The following IKZF2 variants were observed in gnomAD, a reference collection of about 807,000 sequenced individuals.
The protein encoded by IKZF2 is IKAROS family zinc finger 2, also known as zinc finger protein Helios.
In IKZF2, 15 loss-of-function variants were observed where a neutral mutation model predicts 49.2. The observed-to-expected ratio is 0.30, with a 90% CI of 0.20 to 0.47. The LOEUF is 0.47. Among genes scored for constraint, IKZF2 ranks in the 20% least tolerant of loss-of-function variants. IKZF2 has a pLI of 1.00. For missense variants in IKZF2, 567 were observed against 664.6 expected, an observed-to-expected ratio of 0.85 and a Z score of 1.61; for synonymous variants, 227 against 221.4, an observed-to-expected ratio of 1.03 and a Z score of -0.23.
Position 213,113,296 on chromosome 2 carries a change from A to G in IKZF2, c.139+34412T>C, listed in dbSNP as rs1024784150. On this transcript the variant is annotated intron_variant, in intron 4 of 8. Transcript: ENST00000434687. ...GGAGATCTATAATGGTACAACTCCA[A>G]CTCATTCTGAAATGGTATGCAGAGA... Among the ~76,000 whole-genome samples, 12 of 152,136 alleles carry G rather than the reference A, an allele frequency of 7.9e-5. No individual in the cohort carries two copies. The South Asian group carries it at 1.9e-3, about 24-fold the overall frequency.
chr2:213,070,213 T>C (rs73990517), intron 4 of IKZF2, among the ~76,000 whole-genome samples: 3,280 of 152,188 alleles, frequency 0.022, 101 homozygotes, highest in African/African-American at 0.074. Flanking sequence ...CCTGATAGTT[T>C]TTCAAATAAT....
intron 4 of IKZF2, among the ~76,000 whole-genome samples, chr2:213,082,338 G>T (rs1334072201): frequency 1.3e-5 from 2 of 152,110 alleles, no homozygotes; most frequent in Non-Finnish European, 2.9e-5. Flanking sequence ...CAGCTATCTA[G>T]AAATATGAGC....
chr2:213,031,014 C>G (rs34053836), intron 6 of IKZF2, among the ~76,000 whole-genome samples: 16,692 of 151,904 alleles, frequency 0.11, 1,084 homozygotes, highest in South Asian at 0.28. Flanking sequence ...TTAGTAGAGA[C>G]GGGGTTTCAC....
intron 4 of IKZF2, among the ~76,000 whole-genome samples, chr2:213,132,995 A>G (rs778292062): frequency 2.6e-5 from 4 of 152,236 alleles, no homozygotes; most frequent in Non-Finnish European, 5.9e-5. Flanking sequence ...AAAAGCAGAA[A>G]TATTCAGTAA....
intron 6 of IKZF2, among the ~76,000 whole-genome samples, chr2:213,023,128 G>A (rs979615498): frequency 2.6e-5 from 4 of 152,094 alleles, no homozygotes; most frequent in African/African-American, 7.2e-5. Flanking sequence ...ATCCAGGCCC[G>A]TGTCTCTATT....
At chr2:213,013,516 T>C (rs528219714) in intron 8 of IKZF2, among the ~76,000 whole-genome samples, 3 of 152,076 alleles carry the variant, frequency 2.0e-5, no homozygotes, top group African/African-American at 7.2e-5. Context: ...TTTAAAGAAA[T>C]TAATATTTTC....
chr2:213,108,514 T>C (rs187893403), intron 4 of IKZF2, among the ~76,000 whole-genome samples: 15 of 152,228 alleles, frequency 9.9e-5, no homozygotes, highest in Admixed American at 3.3e-4. Flanking sequence ...TGAGATCTGA[T>C]CCCACTGCAG....
intron 6 of IKZF2, among the ~76,000 whole-genome samples, chr2:213,026,219 T>C (rs372281424): frequency 6.6e-6 from 1 of 152,178 alleles, no homozygotes; most frequent in African/African-American, 2.4e-5. Context: ...ACATGATTTC[T>C]ACCTCTTGAA....
chr2:213,026,240 T>C (rs989621397), intron 6 of IKZF2, among the ~76,000 whole-genome samples: 2 of 152,104 alleles, frequency 1.3e-5, no homozygotes, highest in African/African-American at 2.4e-5. Flanking sequence ...ATCCTCCACA[T>C]CCCTCCACTT....
At chr2:213,149,721 C>T (rs1049770650) in intron 2 of IKZF2, among the ~76,000 whole-genome samples, 6 of 151,830 alleles carry the variant, frequency 4.0e-5, no homozygotes, top group Non-Finnish European at 7.4e-5. Context: ...CACTTCTTGT[C>T]TCCAAAACCA....
At chr2:213,041,232 A>G (rs1699608179) in intron 6 of IKZF2, among the ~76,000 whole-genome samples, 1 of 152,116 alleles carries the variant, frequency 6.6e-6, no homozygotes, top group South Asian at 2.1e-4. Context: ...AGTATAGACT[A>G]ATACCTTTTA....
chr2:213,114,237 G>A (rs942408807), intron 4 of IKZF2, among the ~76,000 whole-genome samples: 1 of 151,952 alleles, frequency 6.6e-6, no homozygotes, highest in East Asian at 1.9e-4. Flanking sequence ...ATGTGTGTGT[G>A]TTATAGGGGC....
rs139914072 is a variant in IKZF2, at chr2:213,003,973, G to A, written c.*3387C>T. On this transcript the variant is annotated 3_prime_UTR_variant, in exon 9 of 9. Transcript: ENST00000434687. The stretch of plus-strand genomic sequence containing the variant: ...TAGATAATAAGGACCCAAAGTTTTA[G>A]TTTAAGAGTTGCCACTGGTCCTAAA... 1 of 151,842 alleles carries A rather than the reference G, an allele frequency of 6.6e-6. No homozygotes were observed. Among genetic ancestry groups the A allele is most frequent in the African/African-American group, 2.4e-5 (1 of 41,504 alleles). 9.4% of individuals were successfully genotyped at this position (151,842 alleles called of 1,614,324 possible).
At chr2:213,051,004 C>T (rs1418148071) in intron 5 of IKZF2, among the ~76,000 whole-genome samples, 3 of 151,894 alleles carry the variant, frequency 2.0e-5, no homozygotes, top group Non-Finnish European at 2.9e-5. Context: ...CATTTCTTTA[C>T]CTGCAGTTAG....
chr2:213,131,152 A>G (rs962360), intron 4 of IKZF2, among the ~76,000 whole-genome samples: 144,515 of 152,216 alleles, frequency 0.95, 68,629 homozygotes, highest in East Asian at 0.99. Context: ...TATGAACCCA[A>G]GTACTGTTAC....
At chr2:213,102,668 T>C (rs1004437486) in intron 4 of IKZF2, among the ~76,000 whole-genome samples, 5 of 150,178 alleles carry the variant, frequency 3.3e-5, no homozygotes, top group Non-Finnish European at 5.9e-5. Flanking sequence ...AATATAACAT[T>C]TAAAGGAAGG....
At chr2:213,094,965 C>G (rs1024416319) in intron 4 of IKZF2, among the ~76,000 whole-genome samples, 5 of 152,124 alleles carry the variant, frequency 3.3e-5, no homozygotes, top group Non-Finnish European at 5.9e-5. Flanking sequence ...ATTTTGGAAA[C>G]AGAATAAATT....
chr2:213,007,247 A>G lies in IKZF2; in HGVS notation c.*113T>C, dbSNP rs889244697. 1.7e-6 allele frequency: 2 copies of G among 1,146,384 alleles called. No individual in the cohort carries two copies. The highest frequency in any genetic ancestry group is 2.4e-6 in the Non-Finnish European group (2 of 816,898). 71.0% of individuals were successfully genotyped at this position (1,146,384 alleles called of 1,614,324 possible). On this transcript the variant is annotated 3_prime_UTR_variant, in exon 9 of 9. Coordinates refer to ENST00000434687, the MANE Select transcript of IKZF2 (RefSeq NM_001387220.1). ...AATAAGAATTATCAACAGTAATAAT[A>G]TTAAAAAAAATAAAAGGTATGTCAA...
chr2:213,100,076 T>C (rs1214322420), intron 4 of IKZF2, among the ~76,000 whole-genome samples: 1 of 152,130 alleles, frequency 6.6e-6, no homozygotes. Context: ...ACTAAGCACA[T>C]GGATAACTCT....
Sources: allele counts gnomAD v4.1 joint callset (sites outside exome capture counted in the v4.1 genomes callset), GRCh38; gene constraint gnomAD v4.1.1; transcripts MANE v1.5; gene names NCBI Gene and HGNC (gene_info 2026-07-23, HGNC 2026-07-21).